CSMD1: variants seen among roughly 807,000 people sequenced by gnomAD.
CSMD1 encodes the protein CUB and sushi domain-containing protein 1.
In CSMD1, 213 loss-of-function variants were observed where a neutral mutation model predicts 417.5. That is an observed-to-expected ratio of 0.51 (90% CI 0.46 to 0.57). The LOEUF (loss-of-function observed/expected upper bound fraction) is 0.57. CSMD1 is among the 20% of genes least tolerant of loss of function. The pLI is 0.00. For synonymous variants in CSMD1, 2,862 were observed against 1,736.8 expected, an observed-to-expected ratio of 1.65 and a Z score of -16.11; for missense variants, 6,923 against 4,529.7, an observed-to-expected ratio of 1.53 and a Z score of -15.17.
intron 37 of CSMD1, among the ~76,000 whole-genome samples, chr8:3,166,906 T>G (rs1820255636): frequency 6.6e-6 from 1 of 152,188 alleles, no homozygotes; most frequent in African/African-American, 2.4e-5. Flanking sequence ...GAGAAATAAT[T>G]TGTACTTCTT....
At chr8:4,871,234 C>A (rs1258358064) in intron 1 of CSMD1, among the ~76,000 whole-genome samples, 1 of 152,098 alleles carries the variant, frequency 6.6e-6, no homozygotes, top group Non-Finnish European at 1.5e-5. Flanking sequence ...TGGTCCAGAG[C>A]TAGCATGTGG....
intron 3 of CSMD1, among the ~76,000 whole-genome samples, chr8:4,199,846 C>A (rs1012751411): frequency 6.6e-6 from 1 of 152,142 alleles, no homozygotes; most frequent in African/African-American, 2.4e-5. Flanking sequence ...CAACAAAACT[C>A]TTCCTTTACA....
intron 10 of CSMD1, among the ~76,000 whole-genome samples, chr8:3,552,696 C>A (rs1005017941): frequency 2.0e-5 from 3 of 152,138 alleles, no homozygotes; most frequent in Non-Finnish European, 2.9e-5. Context: ...CCATTTGGGT[C>A]TGAAGTTTTA....
rs536020163 is a variant in CSMD1, at chr8:4,150,603, A to G, written c.416-118504T>C. Among the ~76,000 whole-genome samples, 4 of 152,304 alleles carry G rather than the reference A, an allele frequency of 2.6e-5. 1 individual carries two copies. In the South Asian group the frequency reaches 6.2e-4, roughly 24 times the overall value. On this transcript the variant is annotated intron_variant, in intron 3 of 69. Transcript: ENST00000635120. ...AGGTACAGGTAAAACAAGCAAACAA[A>G]CCAAACAACAAGCATTAACTGCAAT...
At chr8:4,476,990 G>C (rs934889844) in intron 2 of CSMD1, among the ~76,000 whole-genome samples, 2 of 152,230 alleles carry the variant, frequency 1.3e-5, no homozygotes, top group Non-Finnish European at 1.5e-5. Flanking sequence ...ATTGCTGGCT[G>C]CCTAGGATGG....
chr8:3,309,019 C>A (rs144309203), intron 23 of CSMD1, among the ~76,000 whole-genome samples: 1 of 152,106 alleles, frequency 6.6e-6, no homozygotes. Flanking sequence ...CCACTGCGCC[C>A]GGCCCCTCAA....
chr8:4,528,280 T>G (rs960405961), intron 2 of CSMD1, among the ~76,000 whole-genome samples: 1 of 152,062 alleles, frequency 6.6e-6, no homozygotes, highest in African/African-American at 2.4e-5. Context: ...AATCCCTACC[T>G]CTCTAGAGAG....
chr8:4,246,527 C>T (rs1018739540), intron 3 of CSMD1, among the ~76,000 whole-genome samples: 1 of 152,028 alleles, frequency 6.6e-6, no homozygotes. Flanking sequence ...GTGAAAATTA[C>T]TTTTTTTACT....
At chr8:4,197,762 C>G (rs1585005431) in intron 3 of CSMD1, among the ~76,000 whole-genome samples, 1 of 152,028 alleles carries the variant, frequency 6.6e-6, no homozygotes, top group Non-Finnish European at 1.5e-5. Flanking sequence ...TCTTGTAATC[C>G]CAGCTACTTG....
At chr8:3,346,787 T>C (rs547505439) in intron 22 of CSMD1, among the ~76,000 whole-genome samples, 28 of 152,334 alleles carry the variant, frequency 1.8e-4, no homozygotes, top group African/African-American at 6.5e-4. Context: ...TAGTTCAAAG[T>C]GAGTTGACAA....
intron 1 of CSMD1, among the ~76,000 whole-genome samples, chr8:4,841,256 A>T (rs1800820523): frequency 6.6e-6 from 1 of 152,266 alleles, no homozygotes; most frequent in Non-Finnish European, 1.5e-5. Flanking sequence ...GTTTCACTTC[A>T]CCAATGCAGC....
At position 4,806,494 on chromosome 8, in the gene CSMD1, A is replaced by G. The variant is rs146950352; in HGVS notation, c.86-168936T>C. On this transcript the variant is annotated intron_variant, in intron 1 of 69. Transcript: ENST00000635120. ...TCTGTGGGCCATCTATTTAGTTTAC[A>G]TTGCATTCACTTCTTTCCTCTGGAG... Among the ~76,000 whole-genome samples the G allele has an allele frequency of 4.2e-3, 640 of 152,276 alleles. 4 individuals are homozygous for G. The highest frequency in any genetic ancestry group is 0.015 in the African/African-American group (617 of 41,546).
chr8:2,942,663 TATG>T (rs1801963338), intron 68 of CSMD1, 59 bp from the exon 69 acceptor site: 13 of 1,330,642 alleles, frequency 9.8e-6, no homozygotes, highest in Non-Finnish European at 1.3e-5. Context: ...AACAAATACA[TATG>T]ATAAATTTTG....
intron 1 of CSMD1, among the ~76,000 whole-genome samples, chr8:4,656,326 G>C (rs576929442): frequency 6.6e-6 from 1 of 152,020 alleles, no homozygotes; most frequent in African/African-American, 2.4e-5. Flanking sequence ...GCAACCTTCA[G>C]GGTAGAGAAG....
At chr8:4,801,767 G>GA (rs112413307) in intron 1 of CSMD1, among the ~76,000 whole-genome samples, 8,976 of 150,138 alleles carry the variant, frequency 0.06, 444 homozygotes, top group East Asian at 0.23. Context: ...GAGGCAAAAA[G>GA]AAAAAAAAAT....
intron 5 of CSMD1, among the ~76,000 whole-genome samples, chr8:3,879,349 G>C (rs528487985): frequency 6.6e-6 from 1 of 152,064 alleles, no homozygotes; most frequent in South Asian, 2.1e-4. Flanking sequence ...TTATTCATTA[G>C]AATCATCTAA....
At position 3,151,496 on chromosome 8, in the gene CSMD1, G is replaced by A. The variant is rs1197098846; in HGVS notation, c.5932C>T (p.Leu1978=). The change falls in exon 40 of 70, where the codon CTG becomes TTG. Residue 1978 remains leucine (L), a synonymous_variant. Transcript: ENST00000635120. The stretch of plus-strand genomic sequence containing the variant: ...AGGATCACACCACCCAAGGTGCTCA[G>A]CGTCCCTCCACAGGTTGCTGTTAAG... ...PLCIATCGGT[L]STLGGVILSP... 1 of 1,612,768 alleles carries A rather than the reference G, an allele frequency of 6.2e-7. No homozygotes were observed. Among genetic ancestry groups the A allele is most frequent in the Admixed American group, 1.7e-5 (1 of 59,900 alleles).
chr8:4,187,787 A>G (rs1186109667), intron 3 of CSMD1, among the ~76,000 whole-genome samples: 1 of 152,120 alleles, frequency 6.6e-6, no homozygotes, highest in South Asian at 2.1e-4. Context: ...ATAGTAAAAT[A>G]GGCAGGTATT....
intron 44 of CSMD1, among the ~76,000 whole-genome samples, chr8:3,108,377 G>C (rs1472221620): frequency 1.3e-5 from 2 of 152,104 alleles, no homozygotes; most frequent in East Asian, 1.9e-4. Context: ...TTTCACTTAG[G>C]ATACATGTAT....
Sources: gnomAD v4.1 joint callset for allele counts (sites outside exome capture counted in the v4.1 genomes callset) on GRCh38, gnomAD v4.1.1 for gene constraint, MANE v1.5 for transcripts, NCBI Gene and HGNC (gene_info 2026-07-23, HGNC 2026-07-21) for gene names.